The following GPHN variants were observed in gnomAD, a reference collection of about 807,000 sequenced individuals.
The protein encoded by GPHN is gephyrin.
Under a neutral mutation model 95.5 loss-of-function variants are expected in GPHN, and 17 were observed. The observed-to-expected ratio is 0.18, with a 90% CI of 0.12 to 0.27. The LOEUF is 0.27. Ranked by LOEUF, GPHN falls within the 10% of genes least tolerant of loss-of-function variation. GPHN has a pLI of 1.00. For missense variants in GPHN, 660 were observed against 978.1 expected (o/e 0.67, Z 4.34); for synonymous variants, 320 against 322.5 (o/e 0.99, Z 0.08).
At chr14:67,373,821 TTAGA>T in the GPHN span, among the ~76,000 whole-genome samples, 4 of 149,068 alleles carry the variant, frequency 2.7e-5, no homozygotes, top group Non-Finnish European at 4.4e-5. Flanking sequence ...ATACAGTAGA[TTAGA>T]TAGTTTTAAT....
intron 4 of GPHN, among the ~76,000 whole-genome samples, chr14:66,879,518 A>G (rs2063828562): frequency 6.6e-6 from 1 of 152,088 alleles, no homozygotes; most frequent in African/African-American, 2.4e-5. Context: ...GCATAGAGCT[A>G]GGAGAGATAT....
the GPHN span, among the ~76,000 whole-genome samples, chr14:67,233,391 C>G: frequency 6.6e-6 from 1 of 152,172 alleles, no homozygotes; most frequent in Non-Finnish European, 1.5e-5. Flanking sequence ...ATCTGCCCAC[C>G]TTGGCTTCCC....
At chr14:66,954,456 A>G (rs1296754555) in intron 8 of GPHN, among the ~76,000 whole-genome samples, 1 of 152,030 alleles carries the variant, frequency 6.6e-6, no homozygotes, top group Non-Finnish European at 1.5e-5. Flanking sequence ...TAGAAATACA[A>G]CTGATTTTTG....
At chr14:66,519,590 A>G (rs1217004420) in intron 1 of GPHN, among the ~76,000 whole-genome samples, 1 of 152,160 alleles carries the variant, frequency 6.6e-6, no homozygotes, top group Non-Finnish European at 1.5e-5. Flanking sequence ...CTGTCTGCAT[A>G]AGATAGAACA....
intron 3 of GPHN, among the ~76,000 whole-genome samples, chr14:66,806,327 G>A (rs1358777560): frequency 2.0e-5 from 3 of 152,166 alleles, no homozygotes; most frequent in Non-Finnish European, 2.9e-5. Flanking sequence ...GATGGGAGGG[G>A]CTGCTGCAAA....
chr14:67,233,940 A>G, the GPHN span, among the ~76,000 whole-genome samples: 1 of 152,194 alleles, frequency 6.6e-6, no homozygotes, highest in Non-Finnish European at 1.5e-5. Flanking sequence ...CTAAAGATAA[A>G]TTTGGAGTAA....
intron 17 of GPHN, among the ~76,000 whole-genome samples, chr14:67,131,934 T>G (rs1374363423): frequency 1.3e-5 from 2 of 152,146 alleles, no homozygotes; most frequent in Non-Finnish European, 2.9e-5. Context: ...TTCTAGCCTT[T>G]CAAGGCCTGA....
the GPHN span, among the ~76,000 whole-genome samples, chr14:67,631,125 C>T: frequency 6.6e-6 from 1 of 152,170 alleles, no homozygotes; most frequent in Non-Finnish European, 1.5e-5. Context: ...AACCCTTACC[C>T]TCCACCATCC....
intron 8 of GPHN, among the ~76,000 whole-genome samples, chr14:66,959,947 A>AT (rs934858070): frequency 6.7e-6 from 1 of 150,100 alleles, no homozygotes; most frequent in Non-Finnish European, 1.5e-5. Flanking sequence ...ATTTTCCTTT[A>AT]TTTTTTTTCT....
intron 2 of GPHN, among the ~76,000 whole-genome samples, chr14:66,682,486 T>C (rs1057052522): frequency 2.0e-5 from 3 of 152,036 alleles, no homozygotes; most frequent in African/African-American, 7.3e-5. Flanking sequence ...GCGTGGTGGC[T>C]CATGCCTGTA....
chr14:66,889,112 A>C (rs1404758610), intron 5 of GPHN, among the ~76,000 whole-genome samples: 2 of 152,156 alleles, frequency 1.3e-5, no homozygotes, highest in Non-Finnish European at 2.9e-5. Flanking sequence ...AAATGGACAG[A>C]ATTGAAGAGG....
chr14:67,389,871 C>T, the GPHN span, among the ~76,000 whole-genome samples: 1 of 151,764 alleles, frequency 6.6e-6, no homozygotes, highest in East Asian at 1.9e-4. Context: ...TGAACTCCAT[C>T]CTGTAGCCAG....
intron 1 of GPHN, among the ~76,000 whole-genome samples, chr14:66,650,578 TAGAG>T (rs949734071): frequency 2.6e-5 from 4 of 152,140 alleles, no homozygotes; most frequent in African/African-American, 9.6e-5. Context: ...GCACAACTGT[TAGAG>T]AGGATTAATG....
chr14:67,509,839 A>G, the GPHN span, among the ~76,000 whole-genome samples: 1 of 151,678 alleles, frequency 6.6e-6, no homozygotes, highest in East Asian at 1.9e-4. Context: ...AGTTATAAAG[A>G]CTCTGTCTCC....
At chr14:67,687,620 C>T in the GPHN span, among the ~76,000 whole-genome samples, 6 of 151,972 alleles carry the variant, frequency 3.9e-5, no homozygotes, top group Non-Finnish European at 5.9e-5. Context: ...TACAGGCACA[C>T]GCCAACATGC....
chr14:66,732,159 C>T (rs1161982401), intron 2 of GPHN, among the ~76,000 whole-genome samples: 4 of 152,186 alleles, frequency 2.6e-5, no homozygotes, highest in African/African-American at 7.2e-5. Context: ...GGAGCCCCCA[C>T]ACAGAGTCCC....
At chr14:66,775,743 C>G (rs2059357953) in intron 2 of GPHN, among the ~76,000 whole-genome samples, 1 of 152,142 alleles carries the variant, frequency 6.6e-6, no homozygotes, top group African/African-American at 2.4e-5. Context: ...GGCACATGAT[C>G]TTATATAAAG....
chr14:67,551,555 C>T, the GPHN span, among the ~76,000 whole-genome samples: 2 of 152,140 alleles, frequency 1.3e-5, 1 homozygote, highest in South Asian at 4.1e-4. Context: ...TGAGGTTCCA[C>T]TGCCTTACCT....
At chr14:67,705,897 C>A in the GPHN span, 1 of 151,902 alleles carries the variant, frequency 6.6e-6, no homozygotes, top group Non-Finnish European at 1.5e-5. Context: ...AAGTATACAG[C>A]CAAAAATATA....
Sources: gnomAD v4.1 joint callset for allele counts (sites outside exome capture counted in the v4.1 genomes callset) on GRCh38, gnomAD v4.1.1 for gene constraint, MANE v1.5 for transcripts, NCBI Gene and HGNC (gene_info 2026-07-23, HGNC 2026-07-21) for gene names.